Variants in ME1 observed in about 807,000 individuals in gnomAD.
ME1 encodes NADP-dependent malic enzyme.
Under a neutral mutation model 66.4 loss-of-function variants are expected in ME1, and 74 were observed. The ratio of observed to expected loss-of-function variants is 1.11; its 90% CI spans 0.92 to 1.35. The LOEUF (loss-of-function observed/expected upper bound fraction) is 1.35, where lower values mean the gene tolerates loss of function less well. Ranked by LOEUF, ME1 falls within the 40% of genes most tolerant of loss-of-function variation. The probability of loss-of-function intolerance (pLI) is 0.00; values close to 1 mark genes in which losing one functional copy is unlikely to be tolerated. For synonymous variants in ME1, 251 were observed against 235.6 expected, an observed-to-expected ratio of 1.07 and a Z score of -0.60; for missense variants, 750 against 694.1, an observed-to-expected ratio of 1.08 and a Z score of -0.90.
At chr6:83,378,296 T>A (rs1769332276) in intron 3 of ME1, among the ~76,000 whole-genome samples, 1 of 152,054 alleles carries the variant, frequency 6.6e-6, no homozygotes. Flanking sequence ...AAAACTGAAT[T>A]AGTTCTCAAT....
chr6:83,251,775 G>C lies in ME1; in HGVS notation c.814+1854C>G, dbSNP rs574438759. Among the ~76,000 whole-genome samples the C allele has an allele frequency of 2.0e-5, 3 of 152,216 alleles. No homozygotes were observed. In the South Asian group the frequency reaches 6.2e-4, roughly 32 times the overall value. ...CTAGAATGAGTGACGAGAGAAACAT[G>C]CATCAGACCATGCATTTTGGGCCAC... On this transcript the variant is annotated intron_variant, in intron 7 of 13. Coordinates refer to ENST00000369705, the MANE Select transcript of ME1 (RefSeq NM_002395.6).
At chr6:83,305,643 G>C (rs931185158) in intron 6 of ME1, among the ~76,000 whole-genome samples, 2 of 152,122 alleles carry the variant, frequency 1.3e-5, no homozygotes, top group Non-Finnish European at 1.5e-5. Context: ...TAGAGGTCAG[G>C]AAGGGGGCCA....
In ME1 at chr6:83,282,989, G is replaced by A. The variant is rs1168139848; in HGVS notation, c.705-29251C>T. 3.3e-5 allele frequency among the ~76,000 whole-genome samples: 5 copies of A among 151,692 alleles called. No individual in the cohort carries two copies. The East Asian group carries it at 5.8e-4, about 18-fold the overall frequency. On this transcript the variant is annotated intron_variant, in intron 6 of 13. Coordinates refer to ENST00000369705, the MANE Select transcript of ME1 (RefSeq NM_002395.6). ...CAAGCCTGTAATCCCAGCACTTTGG[G>A]AGGCCGAGGTGGGCGGATCACGAGG...
intron 5 of ME1, among the ~76,000 whole-genome samples, chr6:83,328,858 G>A (rs1267643674): frequency 6.6e-6 from 1 of 151,834 alleles, no homozygotes; most frequent in African/African-American, 2.4e-5. Flanking sequence ...CCTGAGAAAA[G>A]GAAAAAGACT....
intron 6 of ME1, among the ~76,000 whole-genome samples, chr6:83,282,337 T>C (rs894318074): frequency 2.0e-5 from 3 of 152,088 alleles, no homozygotes; most frequent in African/African-American, 7.2e-5. Flanking sequence ...ACCTACAGAA[T>C]AGGAGAAAAT....
chr6:83,309,672 T>C (rs773667449), intron 6 of ME1, among the ~76,000 whole-genome samples: 30 of 151,918 alleles, frequency 2.0e-4, no homozygotes, highest in Non-Finnish European at 3.5e-4. Context: ...AGATAAAGAT[T>C]TGGGAGTCAC....
rs566956678 is a variant in ME1, at chr6:83,430,912, C to T, written c.43G>A (p.Gly15Ser). The change falls in exon 1 of 14, where the codon GGC becomes AGC. Residue 15 changes from glycine (G) to serine (S), a missense_variant. By Grantham distance (56) the Gly-to-Ser change is moderately conservative (BLOSUM62 0). Coordinates refer to ENST00000369705, the MANE Select transcript of ME1 (RefSeq NM_002395.6). The stretch of plus-strand genomic sequence containing the variant: ...TGAGGGTTCCGTGTCAGCAGGTAGC[C>T]GCGCTGATGGGTGTGGCGGCGACGG... Reference protein sequence around the residue: ...APRRRHTHQRGYLLTRNPHLN... With the variant: ...APRRRHTHQRSYLLTRNPHLN... The T allele has an allele frequency of 6.2e-6, 10 of 1,602,206 alleles. No homozygotes were observed. Among genetic ancestry groups the T allele is most frequent in the East Asian group, 2.3e-5 (1 of 43,616 alleles).
At chr6:83,272,912 C>G (rs556757230) in intron 6 of ME1, among the ~76,000 whole-genome samples, 1 of 152,088 alleles carries the variant, frequency 6.6e-6, no homozygotes, top group Non-Finnish European at 1.5e-5. Flanking sequence ...TGGTAGCTCA[C>G]GCCTATAATC....
intron 1 of ME1, among the ~76,000 whole-genome samples, chr6:83,426,455 G>A (rs1396761257): frequency 6.6e-6 from 1 of 152,184 alleles, no homozygotes; most frequent in Non-Finnish European, 1.5e-5. Context: ...TCACATAAGT[G>A]GGATTCTATG....
Position 83,211,608 on chromosome 6 carries a change from A to G in ME1, c.*316T>C, listed in dbSNP as rs1789871958. 1 of 174,144 alleles carries G rather than the reference A, an allele frequency of 5.7e-6. No individual in the cohort carries two copies. The highest frequency in any genetic ancestry group is 1.2e-5 in the Non-Finnish European group (1 of 83,320). 10.8% of individuals were successfully genotyped at this position (174,144 alleles called of 1,614,324 possible). A position where few individuals can be genotyped will look rare whatever the true frequency, so the allele number is the denominator to read the frequency against. ...TTAATGTTGGTTATGTCAATTTATT[A>G]GTAATTTTGGTCTTCCCATTAGTGT... is the stretch of plus-strand genomic sequence containing the variant. On this transcript the variant is annotated 3_prime_UTR_variant, in exon 14 of 14. Transcript: ENST00000369705.
At chr6:83,326,034 T>C (rs2128541295) in intron 5 of ME1, among the ~76,000 whole-genome samples, 1 of 150,724 alleles carries the variant, frequency 6.6e-6, no homozygotes, top group South Asian at 2.1e-4. Context: ...AACAGCATGG[T>C]ATTGGAACCA....
rs1197653491 is a variant in ME1, at chr6:83,223,854, C to A, written c.1355G>T (p.Gly452Val). The change falls in exon 12 of 14, where the codon GGC (glycine) becomes GTC (valine). Residue 452 changes from glycine to valine, a missense_variant. Physicochemically the swap from Gly to Val is moderately radical, Grantham distance 109. Transcript: ENST00000369705. ...TCCAGGGAACACATAGGAATTGTTG[C>A]CTTGGCCAGGATATAGGGTCTGTCC... ...PNGQTLYPGQ[G>V]NNSYVFPGVA... 6.2e-7 allele frequency: 1 copy of A among 1,613,956 alleles called. No individual in the cohort carries two copies. The highest frequency in any genetic ancestry group is 1.7e-5 in the Admixed American group (1 of 60,002).
At chr6:83,227,296 A>G (rs761738535) in intron 11 of ME1, 39 bp downstream of exon 11, 1 of 1,400,544 alleles carries the variant, frequency 7.1e-7, no homozygotes, top group Admixed American at 2.4e-5. Context: ...AATGAATAAA[A>G]ATTTGATTAT....
chr6:83,364,333 C>T (rs1007318024), intron 3 of ME1, among the ~76,000 whole-genome samples: 5 of 152,124 alleles, frequency 3.3e-5, no homozygotes, highest in Non-Finnish European at 7.4e-5. Context: ...TCTCCTCAGC[C>T]TGCAGACAGC....
intron 2 of ME1, among the ~76,000 whole-genome samples, chr6:83,405,726 T>TG (rs1583420669): frequency 6.7e-6 from 1 of 148,426 alleles, no homozygotes; most frequent in African/African-American, 2.5e-5. Flanking sequence ...GTTGTTGTTT[T>TG]TTTTTTTTTT....
At chr6:83,297,231 A>C (rs1020236893) in intron 6 of ME1, among the ~76,000 whole-genome samples, 2 of 152,168 alleles carry the variant, frequency 1.3e-5, no homozygotes, top group Admixed American at 6.5e-5. Flanking sequence ...ATAAAAAAAA[A>C]CCTAGCAATA....
At chr6:83,381,517 A>C in intron 3 of ME1, among the ~76,000 whole-genome samples, 1 of 151,738 alleles carries the variant, frequency 6.6e-6, no homozygotes, top group East Asian at 1.9e-4. Flanking sequence ...TCTTATCTCC[A>C]GCTGATGTAT....
chr6:83,320,047 A>G (rs1768122857), intron 5 of ME1, among the ~76,000 whole-genome samples: 1 of 152,166 alleles, frequency 6.6e-6, no homozygotes, highest in Non-Finnish European at 1.5e-5. Context: ...AACTTTTGAA[A>G]TCCTAGGATG....
At chr6:83,412,512 A>T (rs918343199) in intron 1 of ME1, among the ~76,000 whole-genome samples, 2 of 152,214 alleles carry the variant, frequency 1.3e-5, no homozygotes, top group African/African-American at 4.8e-5. Flanking sequence ...ATTTTGGAGA[A>T]GACAAAGCAG....
Sources: gnomAD v4.1 joint callset for allele counts (sites outside exome capture counted in the v4.1 genomes callset) on GRCh38, gnomAD v4.1.1 for gene constraint, MANE v1.5 for transcripts, NCBI Gene and HGNC (gene_info 2026-07-23, HGNC 2026-07-21) for gene names.